Variants in FGF7 observed in about 807,000 individuals in gnomAD.
FGF7 encodes the protein FGF-7.
FGF7 carries 6 observed loss-of-function variants against 20.5 expected under a neutral mutation model. The observed-to-expected ratio is 0.29, with a 90% CI of 0.16 to 0.58. FGF7 has a LOEUF of 0.58. FGF7 is among the 20% of genes least tolerant of loss of function. The probability of loss-of-function intolerance (pLI) is 0.90; values close to 1 mark genes in which losing one functional copy is unlikely to be tolerated. For missense variants in FGF7, 144 were observed against 228.8 expected (o/e 0.63, Z 2.39); for synonymous variants, 64 against 74.7 (o/e 0.86, Z 0.74).
At chr15:49,426,377 A>G (rs558087362) in intron 2 of FGF7, among the ~76,000 whole-genome samples, 3 of 152,104 alleles carry the variant, frequency 2.0e-5, no homozygotes, top group Admixed American at 6.6e-5. Flanking sequence ...AATTATAGCA[A>G]TAAGGTTACC....
chr15:49,424,373 G>A lies in FGF7; in HGVS notation c.76G>A (p.Gly26Ser). The A allele has an allele frequency of 6.2e-7, 1 of 1,613,528 alleles. No individual in the cohort carries two copies. Among genetic ancestry groups the A allele is most frequent in the Non-Finnish European group, 8.5e-7 (1 of 1,179,680 alleles). Residue 26 changes from glycine to serine, a missense_variant, in exon 2 of 4, where the codon GGT (glycine) becomes AGT (serine). Physicochemically the swap from Gly to Ser is moderately conservative, Grantham distance 56 (BLOSUM62 0). This residue lies in a region of FGF7 where 88 missense variants were observed against 103.4 expected (regional missense o/e 0.85). Transcript: ENST00000267843. Reference protein sequence around the residue: ...RSCFHIICLVGTISLACNDMT... With the variant: ...RSCFHIICLVSTISLACNDMT... ...ATGCTTTCACATTATCTGTCTAGTG[G>A]GTACTATATCTTTAGCTTGCAATGA...
At chr15:49,460,831 A>G (rs917886506) in intron 2 of FGF7, among the ~76,000 whole-genome samples, 2 of 152,214 alleles carry the variant, frequency 1.3e-5, no homozygotes, top group Non-Finnish European at 2.9e-5. Context: ...TGAGGCAGAT[A>G]TCAAAGAAGA....
intron 2 of FGF7, among the ~76,000 whole-genome samples, chr15:49,428,932 C>T (rs2050357700): frequency 1.3e-5 from 2 of 151,996 alleles, no homozygotes; most frequent in Non-Finnish European, 2.9e-5. Flanking sequence ...ATAAACACAG[C>T]GTTGCTGAAT....
intron 2 of FGF7, among the ~76,000 whole-genome samples, chr15:49,425,842 G>T (rs904624440): frequency 6.6e-6 from 1 of 151,506 alleles, no homozygotes; most frequent in East Asian, 1.9e-4. Flanking sequence ...ATTAATAAAG[G>T]TATCATGTTA....
rs1163604663 is a variant in FGF7, at chr15:49,484,397, G to A, written c.478G>A (p.Gly160Arg). 3 of 1,593,838 alleles carry A rather than the reference G, an allele frequency of 1.9e-6. No homozygotes were observed. Among genetic ancestry groups the A allele is most frequent in the Non-Finnish European group, 2.5e-6 (3 of 1,177,892 alleles). The part of the protein sequence containing the change: ...TYASAKWTHN[G>R]GEMFVALNQK... ...TGCATCAGCTAAATGGACACACAAC[G>A]GAGGGGAAATGTTTGTTGCCTTAAA... Residue 160 changes from glycine (G) to arginine (R), a missense_variant, in exon 4 of 4, where the codon GGA becomes AGA. Coordinates refer to ENST00000267843, the MANE Select transcript of FGF7 (RefSeq NM_002009.4).
chr15:49,435,881 T>G (rs1257552513), intron 2 of FGF7, among the ~76,000 whole-genome samples: 1 of 151,608 alleles, frequency 6.6e-6, no homozygotes, highest in African/African-American at 2.4e-5. Context: ...AATCTTACAA[T>G]GTACAACTGG....
At chr15:49,441,867 A>G (rs1182345051) in intron 2 of FGF7, among the ~76,000 whole-genome samples, 2 of 151,664 alleles carry the variant, frequency 1.3e-5, no homozygotes, top group Non-Finnish European at 1.5e-5. Flanking sequence ...AGTGGTCAGT[A>G]GGAGGAGGGA....
At position 49,446,253 on chromosome 15, in the gene FGF7, T is replaced by A. The variant is rs1287632641; in HGVS notation, c.286+21670T>A. Among the ~76,000 whole-genome samples the A allele has an allele frequency of 4.6e-5, 7 of 151,614 alleles. No homozygotes were observed. The East Asian group carries it at 1.4e-3, about 29-fold the overall frequency. ...TAGAAAATCTTAACTGAATGTTACA[T>A]GGAATCAAAGGGCAATTAGATCTAG... On this transcript the variant is annotated intron_variant, in intron 2 of 3. Transcript: ENST00000267843.
At chr15:49,426,429 G>C (rs1421539148) in intron 2 of FGF7, among the ~76,000 whole-genome samples, 1 of 151,814 alleles carries the variant, frequency 6.6e-6, no homozygotes, top group Admixed American at 6.6e-5. Flanking sequence ...TACTCCTTTT[G>C]AATCCTTTTA....
chr15:49,478,577 A>T (rs944712773), intron 2 of FGF7, among the ~76,000 whole-genome samples: 4 of 152,142 alleles, frequency 2.6e-5, no homozygotes, highest in African/African-American at 9.6e-5. Flanking sequence ...ACTAGTTCTT[A>T]GTTTTAACAT....
intron 2 of FGF7, among the ~76,000 whole-genome samples, chr15:49,439,196 A>G (rs373117961): frequency 4.6e-4 from 70 of 151,522 alleles, no homozygotes; most frequent in African/African-American, 1.7e-3. Context: ...CCTCTTTGCT[A>G]TGTGGGCCTC....
intron 2 of FGF7, among the ~76,000 whole-genome samples, chr15:49,453,486 C>A (rs765072052): frequency 6.6e-6 from 1 of 152,102 alleles, no homozygotes; most frequent in Non-Finnish European, 1.5e-5. Context: ...TTTTCCTTTA[C>A]AACACACCTT....
chr15:49,424,821 C>G (rs1329770018), intron 2 of FGF7: 2 of 308,362 alleles, frequency 6.5e-6, no homozygotes, highest in African/African-American at 4.3e-5. Flanking sequence ...AAAATATATA[C>G]TCCTTGTCCT....
intron 2 of FGF7, among the ~76,000 whole-genome samples, chr15:49,439,075 C>T (rs1452871783): frequency 6.6e-6 from 1 of 151,680 alleles, no homozygotes; most frequent in Non-Finnish European, 1.5e-5. Context: ...AAACTGTCAG[C>T]TAGGGCTGAA....
intron 3 of FGF7, among the ~76,000 whole-genome samples, 184 bp from the exon 4 acceptor site, chr15:49,484,126 A>G (rs987349886): frequency 6.6e-6 from 1 of 152,018 alleles, no homozygotes; most frequent in Non-Finnish European, 1.5e-5. Context: ...AATTTAAGAT[A>G]CCTTTTTATG....
At chr15:49,442,437 C>T (rs12439429) in intron 2 of FGF7, among the ~76,000 whole-genome samples, 77,237 of 151,436 alleles carry the variant, frequency 0.51, 20,421 homozygotes, top group Middle Eastern at 0.63. Context: ...AGTATACAAA[C>T]ATAAGGCATT....
chr15:49,463,099 A>G (rs76974187), intron 2 of FGF7, among the ~76,000 whole-genome samples: 3,080 of 152,262 alleles, frequency 0.02, 48 homozygotes, highest in South Asian at 0.076. Context: ...CTCTCTCCCA[A>G]TCCTGACGAT....
At chr15:49,466,890 C>T (rs1387076443) in intron 2 of FGF7, among the ~76,000 whole-genome samples, 1 of 152,076 alleles carries the variant, frequency 6.6e-6, no homozygotes, top group Non-Finnish European at 1.5e-5. Flanking sequence ...ATTAACTACT[C>T]CACATAAGAA....
chr15:49,480,155 G>T (rs970862181), intron 2 of FGF7, among the ~76,000 whole-genome samples: 6 of 152,112 alleles, frequency 3.9e-5, no homozygotes, highest in African/African-American at 1.2e-4. Context: ...ATTTCCCAGT[G>T]TTAATGGTAT....
Sources: allele counts gnomAD v4.1 joint callset (sites outside exome capture counted in the v4.1 genomes callset), GRCh38; gene constraint gnomAD v4.1.1; regional missense constraint gnomAD v4.1.1; transcripts MANE v1.5; gene names NCBI Gene and HGNC (gene_info 2026-07-23, HGNC 2026-07-21).